Variants in ARSG observed in about 807,000 individuals in gnomAD.
ARSG encodes arylsulfatase G.
Under a neutral mutation model 50.5 loss-of-function variants are expected in ARSG, and 37 were observed. That is an observed-to-expected ratio of 0.73 (90% CI 0.56 to 0.96). The LOEUF (loss-of-function observed/expected upper bound fraction) is 0.96, where lower values mean the gene tolerates loss of function less well. Ranked by LOEUF, ARSG falls within the 50% of genes least tolerant of loss-of-function variation. The pLI is 0.00. For missense variants in ARSG, 629 were observed against 675.3 expected (o/e 0.93, Z 0.76); for synonymous variants, 225 against 254.6 (o/e 0.88, Z 1.11).
chr17:68,380,200 A>G (rs1599974984), intron 8 of ARSG, among the ~76,000 whole-genome samples: 1 of 145,534 alleles, frequency 6.9e-6, no homozygotes, highest in South Asian at 2.2e-4. Context: ...CCTTCCTTCT[A>G]CCTTCCTTCC....
chr17:68,298,280 C>T (rs1386061278), intron 1 of ARSG, among the ~76,000 whole-genome samples: 4 of 152,034 alleles, frequency 2.6e-5, no homozygotes, highest in African/African-American at 9.7e-5. Context: ...GGGAATCTGT[C>T]TTGGGGTGCT....
At chr17:68,427,262 G>C (rs776770611), downstream of ARSG, 5 of 1,603,704 alleles carry the variant, frequency 3.1e-6, no homozygotes, top group Non-Finnish European at 4.3e-6. Flanking sequence ...AGCTACTTGT[G>C]ACAATCAAGA....
rs1408055058 is a variant in ARSG, at chr17:68,307,314, C to T, written c.-180C>T. 7 of 581,248 alleles carry T rather than the reference C, an allele frequency of 1.2e-5. No homozygotes were observed. The highest frequency in any genetic ancestry group is 1.9e-5 in the African/African-American group (1 of 53,258). 36.0% of individuals were successfully genotyped at this position (581,248 alleles called of 1,614,324 possible). On this transcript the variant is annotated 5_prime_UTR_variant, in exon 2 of 12. Coordinates refer to ENST00000621439, the MANE Select transcript of ARSG (RefSeq NM_001267727.2). ...AGATGGGGGCCTCATTTCTACAGCC[C>T]CCAACATTCCTATAGCCGTTATCAC...
chr17:68,405,130 CTTTTTTTT>C, intron 11 of ARSG, among the ~76,000 whole-genome samples: 1 of 92,990 alleles, frequency 1.1e-5, no homozygotes, highest in African/African-American at 4.2e-5. Flanking sequence ...CAGCTTTGGG[CTTTTTTTT>C]TTTTTTTTTT....
At chr17:68,280,743 A>C (rs76410023) in intron 1 of ARSG, among the ~76,000 whole-genome samples, 2,463 of 152,320 alleles carry the variant, frequency 0.016, 67 homozygotes, top group African/African-American at 0.056. Flanking sequence ...ATTTTTATGG[A>C]TAAGACTGGA....
chr17:68,359,849 T>C (rs1395698846), intron 6 of ARSG: 1 of 152,216 alleles, frequency 6.6e-6, no homozygotes, highest in Non-Finnish European at 1.5e-5. Flanking sequence ...CTGAGAACAC[T>C]GTTGTTTTAT....
intron 2 of ARSG, among the ~76,000 whole-genome samples, chr17:68,311,156 AAAAC>A (rs879977871): frequency 7.9e-5 from 12 of 152,248 alleles, no homozygotes; most frequent in South Asian, 2.1e-4. Flanking sequence ...ACTCTGTCTC[AAAAC>A]AAACAAACAA....
intron 2 of ARSG, among the ~76,000 whole-genome samples, chr17:68,335,343 G>A (rs1239496923): frequency 1.3e-5 from 2 of 151,952 alleles, no homozygotes; most frequent in South Asian, 2.1e-4. Context: ...CGCAAGGTCC[G>A]GAGATTGAGA....
intron 1 of ARSG, among the ~76,000 whole-genome samples, chr17:68,294,701 C>G (rs557781927): frequency 1.3e-5 from 2 of 152,326 alleles, no homozygotes; most frequent in South Asian, 4.1e-4. Flanking sequence ...TTGTATGCCA[C>G]TGAAGCAATT....
rs113193208 is a variant in ARSG, at chr17:68,345,523, G to A, written c.407-1602G>A. On this transcript the variant is annotated intron_variant, in intron 3 of 11. Transcript: ENST00000621439. ...CATTCCTCACCCCCTCACCACTCAC[G>A]ACACCTTTTGCACATCCTGGGCAGG... 2.1e-3 allele frequency among the ~76,000 whole-genome samples: 315 copies of A among 152,196 alleles called. 2 individuals are homozygous for A. The highest frequency in any genetic ancestry group is 7.2e-3 in the African/African-American group (301 of 41,522).
intron 8 of ARSG, among the ~76,000 whole-genome samples, chr17:68,373,882 G>A (rs1448300752): frequency 6.6e-6 from 1 of 152,108 alleles, no homozygotes; most frequent in African/African-American, 2.4e-5. Context: ...AGCCAGCCAG[G>A]CGCGGTGGCT....
chr17:68,447,984 CAAAAAA>C, the ARSG span, among the ~76,000 whole-genome samples: 1 of 80,284 alleles, frequency 1.2e-5, no homozygotes. Flanking sequence ...GACTCTATCT[CAAAAAA>C]AAAAAAAAAA....
At chr17:68,347,079 C>T (rs1321597930) in intron 3 of ARSG, 46 bp from the exon 4 acceptor site, 1 of 1,604,396 alleles carries the variant, frequency 6.2e-7, no homozygotes, top group South Asian at 1.1e-5. Context: ...GGCTGTGGTA[C>T]CCCTATGGGG....
chr17:68,450,814 T>C, the ARSG span: 1 of 1,614,216 alleles, frequency 6.2e-7, no homozygotes, highest in Non-Finnish European at 8.5e-7. Context: ...TACACGTTCA[T>C]CTGCCGTGGT....
rs990590563 is a variant in ARSG, at chr17:68,399,617, C to A, written c.1213-1743C>A. ...ATGCATAGACAAGTTCTCCAAAGTCCATCTATGTTTCTGAGAATGAGCCAT... is the reference window on the plus strand; with the variant it reads ...ATGCATAGACAAGTTCTCCAAAGTCAATCTATGTTTCTGAGAATGAGCCAT... On this transcript the variant is annotated intron_variant, in intron 10 of 11. Transcript: ENST00000621439. The surrounding 1 kb of genome is among the most constrained non-coding windows in gnomAD (Gnocchi z 4.6). 9.2e-5 allele frequency among the ~76,000 whole-genome samples: 14 copies of A among 152,138 alleles called. No individual in the cohort carries two copies. Among genetic ancestry groups the A allele is most frequent in the African/African-American group, 3.4e-4 (14 of 41,410 alleles).
intron 10 of ARSG, chr17:68,400,208 C>G (rs1396275385): frequency 6.6e-6 from 1 of 152,260 alleles, no homozygotes; most frequent in Non-Finnish European, 1.5e-5. Flanking sequence ...CCAAGGCAGT[C>G]TCATGCTTTT....
At chr17:68,319,880 G>C (rs931902579) in intron 2 of ARSG, among the ~76,000 whole-genome samples, 10 of 152,204 alleles carry the variant, frequency 6.6e-5, no homozygotes, top group Non-Finnish European at 1.2e-4. Flanking sequence ...GACAGCTTAG[G>C]GGATAGAACT....
chr17:68,365,328 A>G (rs1246453160), intron 6 of ARSG, among the ~76,000 whole-genome samples: 2 of 152,180 alleles, frequency 1.3e-5, no homozygotes, highest in Non-Finnish European at 2.9e-5. Flanking sequence ...AAAAAACAAC[A>G]ACAAAATAAG....
chr17:68,287,137 C>T (rs77282808), upstream of ARSG, among the ~76,000 whole-genome samples: 2,234 of 152,254 alleles, frequency 0.015, 50 homozygotes, highest in African/African-American at 0.052. Context: ...GCATGCGCCA[C>T]CATGCCCGGC....
Sources: allele counts gnomAD v4.1 joint callset (sites outside exome capture counted in the v4.1 genomes callset), GRCh38; gene constraint gnomAD v4.1.1; non-coding constraint Gnocchi (gnomAD v3.1); transcripts MANE v1.5; gene names NCBI Gene and HGNC (gene_info 2026-07-23, HGNC 2026-07-21).